Variants in FRMD4A observed in about 807,000 individuals in gnomAD.
FRMD4A encodes the protein FERM domain containing 4A, also known as FERM domain-containing protein 4A.
Under a neutral mutation model 129.1 loss-of-function variants are expected in FRMD4A, and 29 were observed. The observed-to-expected ratio is 0.22, with a 90% CI of 0.17 to 0.31. The LOEUF is 0.31. FRMD4A is among the 10% of genes least tolerant of loss of function. The pLI is 1.00. For missense variants in FRMD4A, 1,272 were observed against 1,375.8 expected (o/e 0.92, Z 1.19); for synonymous variants, 634 against 571.6 (o/e 1.11, Z -1.56).
chr10:13,781,231 A>C (rs2092723885), intron 6 of FRMD4A, among the ~76,000 whole-genome samples: 2 of 144,364 alleles, frequency 1.4e-5, no homozygotes, highest in African/African-American at 5.0e-5. Flanking sequence ...TTGAACCCAG[A>C]AGGTGGAGGT....
intron 2 of FRMD4A, among the ~76,000 whole-genome samples, chr10:13,979,715 A>G (rs1407500505): frequency 1.2e-4 from 18 of 152,202 alleles, no homozygotes. Context: ...TTTGCTCTCT[A>G]AAACTCATCT....
At chr10:14,070,935 G>T (rs915331867) in intron 2 of FRMD4A, among the ~76,000 whole-genome samples, 1 of 152,200 alleles carries the variant, frequency 6.6e-6, no homozygotes, top group Non-Finnish European at 1.5e-5. Context: ...AAGATTTCAG[G>T]ACACAATTGA....
intron 2 of FRMD4A, among the ~76,000 whole-genome samples, chr10:14,061,265 G>C (rs1199988352): frequency 6.6e-6 from 1 of 151,908 alleles, no homozygotes. Context: ...GATCAACATG[G>C]GTGTTGATCA....
In FRMD4A at chr10:14,042,443, G is replaced by C. The variant is rs180817994; in HGVS notation, c.46-183531C>G. On this transcript the variant is annotated intron_variant, in intron 2 of 24. Coordinates refer to ENST00000357447, the MANE Select transcript of FRMD4A (RefSeq NM_018027.5). Reference sequence around the variant, plus strand: ...GTGGACGCGTCAAGTTATAAATAACGCTGGCTCCTTTGTTCAGTGTACTCT... The same window carrying C: ...GTGGACGCGTCAAGTTATAAATAACCCTGGCTCCTTTGTTCAGTGTACTCT... 4.5e-3 allele frequency among the ~76,000 whole-genome samples: 685 copies of C among 152,286 alleles called. 3 individuals carry two copies. Among genetic ancestry groups the C allele is most frequent in the African/African-American group, 0.015 (644 of 41,560 alleles).
intron 2 of FRMD4A, among the ~76,000 whole-genome samples, chr10:14,276,160 A>G (rs1845333092): frequency 6.6e-6 from 1 of 152,224 alleles, no homozygotes; most frequent in Non-Finnish European, 1.5e-5. Flanking sequence ...TCCCACCGGA[A>G]GACAGTATTT....
intron 2 of FRMD4A, among the ~76,000 whole-genome samples, chr10:14,188,771 T>C (rs1842226639): frequency 6.6e-6 from 1 of 152,132 alleles, no homozygotes; most frequent in South Asian, 2.1e-4. Context: ...TGAGCACCAG[T>C]GGCATGCGCC....
At chr10:14,246,071 T>C (rs541480335) in intron 2 of FRMD4A, among the ~76,000 whole-genome samples, 1 of 152,300 alleles carries the variant, frequency 6.6e-6, no homozygotes, top group African/African-American at 2.4e-5. Flanking sequence ...GCCCTGCTAC[T>C]GCGAGGGGCT....
At chr10:14,179,455 G>A (rs1214417890) in intron 2 of FRMD4A, among the ~76,000 whole-genome samples, 1 of 152,102 alleles carries the variant, frequency 6.6e-6, no homozygotes, top group Non-Finnish European at 1.5e-5. Flanking sequence ...AAGGAGTTAT[G>A]TAACTAACAT....
chr10:14,114,632 C>T (rs554739788), intron 2 of FRMD4A, among the ~76,000 whole-genome samples: 27 of 152,212 alleles, frequency 1.8e-4, no homozygotes, highest in Non-Finnish European at 2.9e-4. Flanking sequence ...GCAGAGATGG[C>T]GGCCAGAGAA....
chr10:14,140,986 A>C (rs1839806091), intron 2 of FRMD4A, among the ~76,000 whole-genome samples: 1 of 152,134 alleles, frequency 6.6e-6, no homozygotes, highest in Non-Finnish European at 1.5e-5. Flanking sequence ...ATTCAGCCAC[A>C]GGGAAGTGGC....
chr10:13,997,786 C>G (rs1418625703), intron 2 of FRMD4A, among the ~76,000 whole-genome samples: 2 of 151,936 alleles, frequency 1.3e-5, no homozygotes, highest in Non-Finnish European at 2.9e-5. Context: ...CCACACCCAG[C>G]TAATTTGTTT....
At chr10:13,780,834 A>G (rs552627217) in intron 6 of FRMD4A, among the ~76,000 whole-genome samples, 13 of 152,324 alleles carry the variant, frequency 8.5e-5, no homozygotes, top group Admixed American at 5.2e-4. Context: ...TACCACCTAT[A>G]GGTATATACC....
At chr10:14,277,651 G>A (rs890028638) in intron 2 of FRMD4A, among the ~76,000 whole-genome samples, 1 of 152,238 alleles carries the variant, frequency 6.6e-6, no homozygotes, top group African/African-American at 2.4e-5. Context: ...GTTCGAGACT[G>A]AACATAAGCA....
chr10:13,673,579 TGC>T (rs558506971), intron 16 of FRMD4A, among the ~76,000 whole-genome samples: 4,217 of 147,648 alleles, frequency 0.029, 206 homozygotes, highest in African/African-American at 0.1. Flanking sequence ...TGTGCATGCG[TGC>T]GCGCGCGCAC....
At chr10:13,989,338 G>C (rs909429153) in intron 2 of FRMD4A, among the ~76,000 whole-genome samples, 1 of 152,104 alleles carries the variant, frequency 6.6e-6, no homozygotes, top group African/African-American at 2.4e-5. Context: ...GGTGATATTA[G>C]ATGATCATTA....
chr10:13,690,781 G>A (rs536383631), intron 15 of FRMD4A, among the ~76,000 whole-genome samples: 1 of 152,302 alleles, frequency 6.6e-6, no homozygotes, highest in East Asian at 1.9e-4. Context: ...CCTCAGCCTG[G>A]GGCCCCAGCG....
At chr10:13,761,804 C>A in intron 7 of FRMD4A, 135 bp from the exon 8 acceptor site, 1 of 636,828 alleles carries the variant, frequency 1.6e-6, no homozygotes, top group South Asian at 2.3e-5. Context: ...ATCCTATTTG[C>A]TGCAGGAATA....
chr10:13,913,742 A>T (rs1302924548), intron 2 of FRMD4A, among the ~76,000 whole-genome samples: 1 of 152,154 alleles, frequency 6.6e-6, no homozygotes, highest in Non-Finnish European at 1.5e-5. Flanking sequence ...ATCCTTAGTC[A>T]CTTAGTAACT....
At chr10:14,054,766 G>A (rs372294132) in intron 2 of FRMD4A, among the ~76,000 whole-genome samples, 4 of 152,184 alleles carry the variant, frequency 2.6e-5, no homozygotes, top group East Asian at 1.9e-4. Context: ...GAGGGACCTC[G>A]TGGGAGGTAA....
Sources: allele counts gnomAD v4.1 joint callset (sites outside exome capture counted in the v4.1 genomes callset), GRCh38; gene constraint gnomAD v4.1.1; transcripts MANE v1.5; gene names NCBI Gene and HGNC (gene_info 2026-07-23, HGNC 2026-07-21).